Variants in TCTN3 observed in about 807,000 individuals in gnomAD.
The protein encoded by TCTN3 is tectonic-3.
A neutral mutation model predicts 71.3 loss-of-function variants in TCTN3; 57 were observed. The ratio of observed to expected loss-of-function variants is 0.80; its 90% confidence interval spans 0.65 to 1.00. The LOEUF is 1.00. Among genes scored for constraint, TCTN3 ranks in the 50% least tolerant of loss-of-function variants. The pLI is 0.00. For synonymous variants in TCTN3, 258 were observed against 267.8 expected, an observed-to-expected ratio of 0.96 and a Z score of 0.36; for missense variants, 696 against 719.9, an observed-to-expected ratio of 0.97 and a Z score of 0.38.
intron 13 of TCTN3, among the ~76,000 whole-genome samples, chr10:95,668,011 T>G (rs2097927268): frequency 6.6e-6 from 1 of 152,020 alleles, no homozygotes; most frequent in East Asian, 1.9e-4. Context: ...CAATGAAAGA[T>G]GAAGATGCAA....
Position 95,683,647 on chromosome 10 carries a change from A to G in TCTN3, c.1096-18T>C. 6.3e-7 allele frequency: 1 copy of G among 1,598,504 alleles called. No individual in the cohort carries two copies. The highest frequency in any genetic ancestry group is 8.5e-7 in the Non-Finnish European group (1 of 1,170,706). On this transcript the variant is annotated intron_variant, in intron 9 of 13. Transcript: ENST00000371217. ...TGAAAAGCCTGCAGAAAGAGGGAAG[A>G]GAAGTCAATTATGGAGATAAGCATA...
chr10:95,692,209 A>G (rs550479505), intron 3 of TCTN3, among the ~76,000 whole-genome samples: 44 of 152,312 alleles, frequency 2.9e-4, no homozygotes, highest in African/African-American at 1.0e-3. Context: ...CCAACAGAAC[A>G]TAAAAAGTTG....
chr10:95,663,878 A>G lies in TCTN3; in HGVS notation c.*189T>C. 1.8e-6 allele frequency: 1 copy of G among 563,238 alleles called. No individual in the cohort carries two copies. Among genetic ancestry groups the G allele is most frequent in the Non-Finnish European group, 3.1e-6 (1 of 317,864 alleles). 34.9% of individuals were successfully genotyped at this position (563,238 alleles called of 1,614,324 possible). On this transcript the variant is annotated 3_prime_UTR_variant, in exon 14 of 14. Transcript: ENST00000371217. The stretch of plus-strand genomic sequence containing the variant: ...CCTGCAGAGCCCAAAGCAGAGAGCT[A>G]TGATGAATAAAATATTTTTATTGCT...
intron 3 of TCTN3, among the ~76,000 whole-genome samples, chr10:95,688,838 G>C (rs1228923960): frequency 6.6e-6 from 1 of 152,180 alleles, no homozygotes; most frequent in Non-Finnish European, 1.5e-5. Context: ...CTGTGATGCT[G>C]TCCCCTGCCC....
At chr10:95,684,759 AAC>A in intron 8 of TCTN3, 135 bp from the exon 9 acceptor site, 1 of 902,570 alleles carries the variant, frequency 1.1e-6, no homozygotes, top group South Asian at 1.9e-5. Flanking sequence ...AAAAATGCCA[AAC>A]ACAAATACTA....
At position 95,693,394 on chromosome 10, in the gene TCTN3, A is replaced by C; in HGVS notation, c.339T>G (p.His113Gln). ...GGCAGAAGGAGAAAACTGTCCTCGG[A>C]TGGAGAAGATAGCAGTCCCTGTCGC... is the stretch of plus-strand genomic sequence containing the variant. ...CCCDRDCYLL[H>Q]PRTVFSFCLP... is the part of the protein sequence containing the mutation. The change falls in exon 2 of 14, where the codon CAT becomes CAG. Residue 113 changes from histidine (H) to glutamine (Q), a missense_variant. Transcript: ENST00000371217. 1.3e-6 allele frequency: 2 copies of C among 1,551,660 alleles called. No homozygotes were observed. Among genetic ancestry groups the C allele is most frequent in the Non-Finnish European group, 1.7e-6 (2 of 1,146,760 alleles).
At position 95,669,266 on chromosome 10, in the gene TCTN3, T is replaced by C. The variant is rs371020083; in HGVS notation, c.1591-4966A>G. 4.2e-3 allele frequency among the ~76,000 whole-genome samples: 639 copies of C among 152,324 alleles called. 2 individuals carry two copies. The highest frequency in any genetic ancestry group is 0.02 in the Middle Eastern group (6 of 294). On this transcript the variant is annotated intron_variant, in intron 13 of 13. Transcript: ENST00000371217. ...TGTATTAATAACAATATATTGTGTA[T>C]TTCAAAATAGCTAGAAGAGCAGATT...
chr10:95,687,900 T>C (rs1003761105), intron 3 of TCTN3, among the ~76,000 whole-genome samples, 181 bp from the exon 4 acceptor site: 2 of 152,204 alleles, frequency 1.3e-5, no homozygotes, highest in African/African-American at 4.8e-5. Context: ...TTACAGAATA[T>C]TTCCCCAGAA....
At chr10:95,686,388 A>G (rs2139746787) in intron 7 of TCTN3, 107 bp downstream of exon 7, 2 of 1,201,330 alleles carry the variant, frequency 1.7e-6, no homozygotes, top group East Asian at 2.3e-5. Flanking sequence ...TGTTTGCTAC[A>G]TCACGCTTAC....
intron 13 of TCTN3, among the ~76,000 whole-genome samples, chr10:95,672,147 TTAA>T (rs2097932145): frequency 6.9e-6 from 1 of 145,166 alleles, no homozygotes; most frequent in Non-Finnish European, 1.5e-5. Context: ...TCATTAAAAA[TTAA>T]TTATTATTAT....
At chr10:95,673,828 A>G (rs1296374781) in intron 13 of TCTN3, among the ~76,000 whole-genome samples, 4 of 152,184 alleles carry the variant, frequency 2.6e-5, no homozygotes, top group African/African-American at 9.7e-5. Flanking sequence ...CTGTAACACA[A>G]TTTAAGACCC....
At position 95,664,287 on chromosome 10, in the gene TCTN3, A is replaced by C. The variant is rs1456365456; in HGVS notation, c.1604T>G (p.Val535Gly). 1 of 1,613,876 alleles carries C rather than the reference A, an allele frequency of 6.2e-7. No individual in the cohort carries two copies. The highest frequency in any genetic ancestry group is 8.5e-7 in the Non-Finnish European group (1 of 1,179,884). Reference protein sequence around the residue: ...QCQSIQDSQQVTEVSLTTLVN... With the variant: ...QCQSIQDSQQGTEVSLTTLVN... ...AAGAGTTGTCAAAGATACTTCTGTAACTTGCTGAGAATCCTACGGGAAGAA... is the reference window on the plus strand; with the variant it reads ...AAGAGTTGTCAAAGATACTTCTGTACCTTGCTGAGAATCCTACGGGAAGAA... The change falls in exon 14 of 14, where the codon GTT becomes GGT. Residue 535 changes from valine to glycine, a missense_variant. Val to Gly is a moderately radical substitution (Grantham distance 109). Transcript: ENST00000371217.
intron 9 of TCTN3, among the ~76,000 whole-genome samples, chr10:95,684,026 T>G (rs1197832890): frequency 6.6e-6 from 1 of 152,190 alleles, no homozygotes; most frequent in Non-Finnish European, 1.5e-5. Context: ...GACACAGCAG[T>G]TGGTTGATCA....
chr10:95,683,446 G>C, intron 10 of TCTN3, 76 bp downstream of exon 10: 1 of 1,611,858 alleles, frequency 6.2e-7, no homozygotes. Context: ...CCTTTGGCTA[G>C]TCTAACATAA....
rs577852030 is a variant in TCTN3 at position 95,693,723 on chromosome 10, G to T, written c.177C>A (p.Ala59=). Residue 59 remains alanine (A), a synonymous_variant, in exon 1 of 14, where the codon GCC becomes GCA. Coordinates refer to ENST00000371217, the MANE Select transcript of TCTN3 (RefSeq NM_015631.6). ...GGACCACTGTAGGGAGTCCAGGCAC[G>T]GCCGGGCGAGTTGCAGTCGCCTCTG... ...SPSEATATRP[A]VPGLPTVVPT... is the part of the protein sequence containing the mutation. 2 of 1,551,688 alleles carry T rather than the reference G, an allele frequency of 1.3e-6. No homozygotes were observed. Among genetic ancestry groups the T allele is most frequent in the African/African-American group, 1.4e-5 (1 of 73,162 alleles).
chr10:95,672,863 TTG>T (rs952765185), intron 13 of TCTN3, among the ~76,000 whole-genome samples: 8 of 151,842 alleles, frequency 5.3e-5, no homozygotes, highest in Non-Finnish European at 1.2e-4. Context: ...CAGCAAATTT[TTG>T]TGTTTTTAGT....
chr10:95,677,516 C>G (rs1379234629), intron 13 of TCTN3, among the ~76,000 whole-genome samples: 1 of 88,944 alleles, frequency 1.1e-5, no homozygotes, highest in Non-Finnish European at 2.7e-5. Flanking sequence ...TATTTTCCCT[C>G]TATTTTATTG....
intron 13 of TCTN3, among the ~76,000 whole-genome samples, chr10:95,668,505 G>A (rs963873151): frequency 6.6e-6 from 1 of 152,066 alleles, no homozygotes; most frequent in Non-Finnish European, 1.5e-5. Context: ...TCAAAATTGT[G>A]AGTGAAAATA....
At chr10:95,687,784 A>T (rs574232733) in intron 3 of TCTN3, 65 bp from the exon 4 acceptor site, 3 of 1,555,652 alleles carry the variant, frequency 1.9e-6, no homozygotes, top group African/African-American at 2.8e-5. Flanking sequence ...AACTAATTTT[A>T]AAAAATATTT....
Sources: gnomAD v4.1 joint callset for allele counts (sites outside exome capture counted in the v4.1 genomes callset) on GRCh38, gnomAD v4.1.1 for gene constraint, MANE v1.5 for transcripts, NCBI Gene and HGNC (gene_info 2026-07-23, HGNC 2026-07-21) for gene names.